LIFR: variants seen among roughly 807,000 people sequenced by gnomAD.
LIFR encodes the protein leukemia inhibitory factor receptor.
In LIFR, 84 loss-of-function variants were observed where a neutral mutation model predicts 122.2. That is an observed-to-expected ratio of 0.69 (90% CI 0.58 to 0.82). The LOEUF (loss-of-function observed/expected upper bound fraction) is 0.82. Ranked by LOEUF, LIFR falls within the 40% of genes least tolerant of loss-of-function variation. The pLI, the probability that LIFR is intolerant of heterozygous loss-of-function variation, is 0.00. For synonymous variants in LIFR, 422 were observed against 434.7 expected (o/e 0.97, Z 0.36); for missense variants, 1,294 against 1,311.6 (o/e 0.99, Z 0.21).
chr5:38,500,572 C>G (rs1458078314), intron 11 of LIFR, among the ~76,000 whole-genome samples: 1 of 152,160 alleles, frequency 6.6e-6, no homozygotes, highest in Non-Finnish European at 1.5e-5. Flanking sequence ...TTGTGGCATC[C>G]TGGTGGTGCT....
chr5:38,527,027 T>TAGGG, intron 4 of LIFR, 128 bp downstream of exon 4: 1 of 810,516 alleles, frequency 1.2e-6, no homozygotes, highest in Non-Finnish European at 1.9e-6. Flanking sequence ...CTACAATTCA[T>TAGGG]AGGGAGGTTG....
chr5:38,498,837 A>C (rs1212889598), intron 12 of LIFR, among the ~76,000 whole-genome samples: 1 of 152,160 alleles, frequency 6.6e-6, no homozygotes. Flanking sequence ...CTGCATGTAC[A>C]CTTCACTTTA....
chr5:38,587,126 A>G (rs1450285265), intron 1 of LIFR, among the ~76,000 whole-genome samples: 1 of 151,990 alleles, frequency 6.6e-6, no homozygotes, highest in Non-Finnish European at 1.5e-5. Context: ...CACCCTGGGA[A>G]TACAGTACTG....
chr5:38,514,230 A>G (rs983939381), intron 5 of LIFR, among the ~76,000 whole-genome samples: 9 of 152,172 alleles, frequency 5.9e-5, no homozygotes, highest in Admixed American at 2.0e-4. Context: ...AGGAGAAGAC[A>G]GAGAAGGACA....
At chr5:38,570,464 G>C (rs1170194008) in intron 1 of LIFR, among the ~76,000 whole-genome samples, 2 of 152,064 alleles carry the variant, frequency 1.3e-5, no homozygotes, top group Non-Finnish European at 2.9e-5. Context: ...TAATGAGTGA[G>C]GATTTTCTTG....
chr5:38,582,124 G>A (rs1749607631), intron 1 of LIFR, among the ~76,000 whole-genome samples: 1 of 148,322 alleles, frequency 6.7e-6, no homozygotes, highest in African/African-American at 2.5e-5. Flanking sequence ...GCAGTCTCAT[G>A]ATCATAGATC....
intron 1 of LIFR, among the ~76,000 whole-genome samples, chr5:38,568,185 AAAT>A (rs879706695): frequency 6.6e-6 from 1 of 152,214 alleles, no homozygotes; most frequent in Non-Finnish European, 1.5e-5. Flanking sequence ...ACACATAGGT[AAAT>A]AATGTACCAA....
upstream of LIFR, among the ~76,000 whole-genome samples, chr5:38,598,335 C>G (rs990563657): frequency 6.8e-6 from 1 of 147,088 alleles, no homozygotes; most frequent in African/African-American, 2.5e-5. Flanking sequence ...CAACCTCCCC[C>G]TCCCGAGTTG....
chr5:38,565,776 AG>A (rs1749003523), intron 1 of LIFR, among the ~76,000 whole-genome samples: 1 of 152,000 alleles, frequency 6.6e-6, no homozygotes, highest in Admixed American at 6.5e-5. Context: ...TAGTAGAGAC[AG>A]GGTTTCTCCA....
intron 1 of LIFR, among the ~76,000 whole-genome samples, chr5:38,586,241 C>T (rs376834746): frequency 6.6e-6 from 1 of 152,276 alleles, no homozygotes; most frequent in African/African-American, 2.4e-5. Flanking sequence ...ATTATGGCCT[C>T]GTTCCTTTAA....
At chr5:38,590,106 T>C (rs568160496) in intron 1 of LIFR, among the ~76,000 whole-genome samples, 1 of 152,364 alleles carries the variant, frequency 6.6e-6, no homozygotes, top group South Asian at 2.1e-4. Flanking sequence ...AAGTCTTTTC[T>C]ATTATTTTCT....
intron 1 of LIFR, among the ~76,000 whole-genome samples, chr5:38,568,603 T>C (rs1434414666): frequency 6.6e-6 from 1 of 152,172 alleles, no homozygotes; most frequent in Non-Finnish European, 1.5e-5. Flanking sequence ...GACACTGCAC[T>C]GAGGGGCTGA....
In LIFR at chr5:38,502,670, T is replaced by C. The variant is rs750165151; in HGVS notation, c.1567A>G (p.Ser523Gly). ...TETFWKWSKW[S>G]NKKQHLTTEA... Reference sequence around the variant, plus strand: ...GTTGTTAAATGTTGTTTTTTATTGCTCCATTTGCTCCATTTCCAGAAAGTT... The same window carrying C: ...GTTGTTAAATGTTGTTTTTTATTGCCCCATTTGCTCCATTTCCAGAAAGTT... The change falls in exon 11 of 20, where the codon AGC becomes GGC. Residue 523 changes from serine to glycine, a missense_variant. By Grantham distance (56) the Ser-to-Gly change is moderately conservative (BLOSUM62 0). Coordinates refer to ENST00000453190, the MANE Select transcript of LIFR (RefSeq NM_001127671.2). 1.2e-6 allele frequency: 2 copies of C among 1,613,534 alleles called. No homozygotes were observed. Among genetic ancestry groups the C allele is most frequent in the South Asian group, 2.2e-5 (2 of 91,068 alleles).
chr5:38,514,785 T>C (rs1745986336), intron 5 of LIFR, among the ~76,000 whole-genome samples: 1 of 152,186 alleles, frequency 6.6e-6, no homozygotes, highest in Non-Finnish European at 1.5e-5. Flanking sequence ...CCTTATTCCT[T>C]AGACAATACA....
intron 1 of LIFR, among the ~76,000 whole-genome samples, chr5:38,547,638 T>C (rs1437726863): frequency 6.6e-6 from 1 of 152,164 alleles, no homozygotes; most frequent in Non-Finnish European, 1.5e-5. Flanking sequence ...TACATAAAAC[T>C]AATTACAAAA....
At chr5:38,563,920 C>A (rs1199621426) in intron 1 of LIFR, among the ~76,000 whole-genome samples, 1 of 152,164 alleles carries the variant, frequency 6.6e-6, no homozygotes, top group Non-Finnish European at 1.5e-5. Context: ...TCACTAGGAT[C>A]TCACCTACAC....
chr5:38,502,490 C>G (rs1745232185), intron 11 of LIFR, 147 bp downstream of exon 11: 1 of 643,772 alleles, frequency 1.6e-6, no homozygotes, highest in South Asian at 1.6e-5. Flanking sequence ...AACTCCCAAC[C>G]TCAGGTAATC....
At chr5:38,512,514 C>T (rs1745854970) in intron 5 of LIFR, among the ~76,000 whole-genome samples, 1 of 151,814 alleles carries the variant, frequency 6.6e-6, no homozygotes, top group Non-Finnish European at 1.5e-5. Context: ...CTGGCTTGTG[C>T]CTGTAGTCCC....
intron 13 of LIFR, among the ~76,000 whole-genome samples, chr5:38,494,960 C>A (rs1744803839): frequency 6.6e-6 from 1 of 152,106 alleles, no homozygotes. Flanking sequence ...GTTTTTTGAA[C>A]AAAATGTACA....
Sources: allele counts gnomAD v4.1 joint callset (sites outside exome capture counted in the v4.1 genomes callset), GRCh38; gene constraint gnomAD v4.1.1; transcripts MANE v1.5; gene names NCBI Gene and HGNC (gene_info 2026-07-23, HGNC 2026-07-21).